Variants in AKAP10 observed in about 807,000 individuals in gnomAD.
AKAP10 encodes the protein A-kinase anchor protein 10, mitochondrial.
A neutral mutation model predicts 80.8 loss-of-function variants in AKAP10; 24 were observed. That is an observed-to-expected ratio of 0.30 (90% CI 0.22 to 0.42). The LOEUF is 0.42. Ranked by LOEUF, AKAP10 falls within the 10% of genes least tolerant of loss-of-function variation. The pLI is 1.00. For synonymous variants in AKAP10, 291 were observed against 277.7 expected (o/e 1.05, Z -0.48); for missense variants, 661 against 794.9 (o/e 0.83, Z 2.03).
At chr17:19,907,575 G>A (rs963896251) in intron 14 of AKAP10, among the ~76,000 whole-genome samples, 1 of 151,730 alleles carries the variant, frequency 6.6e-6, no homozygotes, top group Non-Finnish European at 1.5e-5. Context: ...CTGCCACCAT[G>A]CCCAGCTAAT....
In AKAP10 at chr17:19,977,634, G is replaced by A. The variant is rs1465814541; in HGVS notation, c.46C>T (p.Arg16Cys). 3.2e-6 allele frequency: 4 copies of A among 1,235,272 alleles called. No homozygotes were observed. The highest frequency in any genetic ancestry group is 8.4e-5 in the Admixed American group (2 of 23,702). The allele number at this position is 1,235,272 out of a possible 1,614,324, so 76.5% of individuals were successfully genotyped here. A position where few individuals can be genotyped will look rare whatever the true frequency, so the allele number is the denominator to read the frequency against. ...GACATGGCGGGGCCCGGGTCGGGACGGAGGGTGCGGGGGGACTGGCGCGGG... is the reference window on the plus strand; with the variant it reads ...GACATGGCGGGGCCCGGGTCGGGACAGAGGGTGCGGGGGGACTGGCGCGGG... ...PSPRQSPRTL[R>C]PDPGPAMSFF... Residue 16 changes from arginine to cysteine, a missense_variant, in exon 1 of 15, where the codon CGT becomes TGT. By Grantham distance (180) the Arg-to-Cys change is radical. Coordinates refer to ENST00000225737, the MANE Select transcript of AKAP10 (RefSeq NM_007202.4).
rs9907558 is a variant in AKAP10 at position 19,948,306 on chromosome 17, A to T, written c.878-801T>A. 7.9e-3 allele frequency among the ~76,000 whole-genome samples: 1,192 copies of T among 151,682 alleles called. 24 individuals are homozygous for T. The highest frequency in any genetic ancestry group is 0.027 in the African/African-American group (1,124 of 41,378). ...GTTTGTCCAGCACCTCCTGGCCTGG[A>T]CTCAAAAGCTGAAACTGCACACCAG... On this transcript the variant is annotated intron_variant, in intron 4 of 14. Coordinates refer to ENST00000225737, the MANE Select transcript of AKAP10 (RefSeq NM_007202.4).
intron 5 of AKAP10, among the ~76,000 whole-genome samples, chr17:19,945,407 A>T (rs751588265): frequency 1.4e-4 from 21 of 152,206 alleles, no homozygotes; most frequent in Non-Finnish European, 2.6e-4. Context: ...CTGTTGTATT[A>T]CTAGGAAAAG....
chr17:19,963,444 G>C (rs527848882), intron 2 of AKAP10, among the ~76,000 whole-genome samples: 5 of 152,106 alleles, frequency 3.3e-5, no homozygotes, highest in South Asian at 4.2e-4. Flanking sequence ...AATTAAAAGA[G>C]GGAGATCATT....
chr17:19,909,117 CTTT>C (rs969732093), intron 14 of AKAP10, 61 bp downstream of exon 14: 7 of 1,438,742 alleles, frequency 4.9e-6, no homozygotes, highest in Admixed American at 2.1e-5. Context: ...CCCTTATGTT[CTTT>C]TTTATTTTTA....
At chr17:19,964,590 C>T (rs1255482532) in intron 2 of AKAP10, among the ~76,000 whole-genome samples, 1 of 151,676 alleles carries the variant, frequency 6.6e-6, no homozygotes, top group East Asian at 2.1e-4. Context: ...TTGCTTCCCA[C>T]CAAAATAAAC....
Position 19,939,766 on chromosome 17 carries a change from CT to C in AKAP10, c.1268del (p.Lys423ArgfsTer14). The C allele has an allele frequency of 6.2e-7, 1 of 1,613,972 alleles. No individual in the cohort carries two copies. ...DNFQSQLAAK[K>X]GQYDGQEAQN... ...GTGCCTCCTGTCCATCATATTGGCC[CT>C]TTTTGGCAGCAAGCTGAGACTGGAA... On this transcript the variant is annotated frameshift_variant, in exon 8 of 15. Coordinates refer to ENST00000225737, the MANE Select transcript of AKAP10 (RefSeq NM_007202.4). LOFTEE classifies it high-confidence loss of function.
chr17:19,908,981 G>C (rs1204022876), intron 14 of AKAP10, among the ~76,000 whole-genome samples, 200 bp downstream of exon 14: 7 of 152,168 alleles, frequency 4.6e-5, no homozygotes, highest in Non-Finnish European at 7.3e-5. Flanking sequence ...TGGTTTCCAT[G>C]GTTTCCCTGT....
intron 2 of AKAP10, among the ~76,000 whole-genome samples, chr17:19,967,360 C>G (rs1161218275): frequency 6.6e-6 from 1 of 152,158 alleles, no homozygotes; most frequent in African/African-American, 2.4e-5. Flanking sequence ...AAAGTAAAAA[C>G]TGTAATCAAC....
chr17:19,963,082 T>C (rs928057527), intron 2 of AKAP10, 60 bp from the exon 3 acceptor site: 11 of 1,383,820 alleles, frequency 7.9e-6, no homozygotes, highest in African/African-American at 5.8e-5. Flanking sequence ...AAAACTCTCA[T>C]AAAGGGGCTT....
intron 3 of AKAP10, among the ~76,000 whole-genome samples, chr17:19,959,769 T>C (rs977951173): frequency 7.2e-5 from 11 of 152,220 alleles, no homozygotes; most frequent in South Asian, 2.1e-4. Context: ...TCTTAATCCA[T>C]TGATATTCAA....
In AKAP10 at chr17:19,958,356, G is replaced by GCT; in HGVS notation, c.533_534dup (p.Gln179SerfsTer22). 6.2e-7 allele frequency: 1 copy of GCT among 1,614,216 alleles called. No homozygotes were observed. Among genetic ancestry groups the GCT allele is most frequent in the Non-Finnish European group, 8.5e-7 (1 of 1,180,028 alleles). On this transcript the variant is annotated frameshift_variant, in exon 4 of 15. Transcript: ENST00000225737. LOFTEE classifies it high-confidence loss of function. ...GAGACAGGCTCAGCCAGTGAGCTCTGCTTCACTGTGTTTAGACTGTGTGCT... is the reference window on the plus strand; with the variant it reads ...GAGACAGGCTCAGCCAGTGAGCTCTGCTCTTCACTGTGTTTAGACTGTGTGCT...
chr17:19,970,540 TG>T (rs1363629569), intron 1 of AKAP10, among the ~76,000 whole-genome samples: 2 of 152,226 alleles, frequency 1.3e-5, no homozygotes, highest in African/African-American at 2.4e-5. Flanking sequence ...AGATATTTCC[TG>T]GCCAAGCGCA....
intron 4 of AKAP10, among the ~76,000 whole-genome samples, chr17:19,949,535 G>A (rs2043174729): frequency 6.6e-6 from 1 of 152,106 alleles, no homozygotes; most frequent in African/African-American, 2.4e-5. Flanking sequence ...ACTTTGGGAG[G>A]CTGAGGAGAG....
At chr17:19,955,078 C>T (rs1035913207) in intron 4 of AKAP10, among the ~76,000 whole-genome samples, 2 of 151,756 alleles carry the variant, frequency 1.3e-5, no homozygotes, top group Non-Finnish European at 2.9e-5. Flanking sequence ...AAAAATCAGC[C>T]GGGTGTGGTG....
chr17:19,964,604 A>G (rs2043393773), intron 2 of AKAP10, among the ~76,000 whole-genome samples: 1 of 152,182 alleles, frequency 6.6e-6, no homozygotes, highest in Non-Finnish European at 1.5e-5. Flanking sequence ...AATAAACTTA[A>G]CAAGGGACCG....
At chr17:19,933,775 G>C (rs1166615208) in intron 9 of AKAP10, among the ~76,000 whole-genome samples, 1 of 152,024 alleles carries the variant, frequency 6.6e-6, no homozygotes, top group Non-Finnish European at 1.5e-5. Context: ...TTATATAATA[G>C]CGTTTAATTA....
rs760084891 is a variant in AKAP10 at position 19,909,194 on chromosome 17, T to C, written c.1970A>G (p.Glu657Gly). ...AGTCATCCTTACCTTTGTAGATTTC[T>C]CTAACGGTTGATCATACTGAGCCTG... ...MQQAQYDQPL[E>G]KSTKL The change falls in exon 14 of 15, where the codon GAG becomes GGG. Residue 657 changes from glutamate to glycine, a missense_variant. Physicochemically the swap from Glu to Gly is moderately conservative, Grantham distance 98. Transcript: ENST00000225737. 3 of 1,611,886 alleles carry C rather than the reference T, an allele frequency of 1.9e-6. No homozygotes were observed.
At chr17:19,924,386 T>C in intron 11 of AKAP10, 22 bp downstream of exon 11, 1 of 1,489,596 alleles carries the variant, frequency 6.7e-7, no homozygotes, top group Non-Finnish European at 9.1e-7. Flanking sequence ...TTGTAAAAAT[T>C]CTAGGCATGA....
Sources: allele counts gnomAD v4.1 joint callset (sites outside exome capture counted in the v4.1 genomes callset), GRCh38; gene constraint gnomAD v4.1.1; transcripts MANE v1.5; gene names NCBI Gene and HGNC (gene_info 2026-07-23, HGNC 2026-07-21).